HACD4: variants seen among roughly 807,000 people sequenced by gnomAD.
HACD4 encodes the protein very-long-chain (3R)-3-hydroxyacyl-CoA dehydratase 4.
Under a neutral mutation model 33.3 loss-of-function variants are expected in HACD4, and 35 were observed. The ratio of observed to expected loss-of-function variants is 1.05; its 90% confidence interval spans 0.80 to 1.39. HACD4 has a LOEUF of 1.39. Ranked by LOEUF, HACD4 falls within the 40% of genes most tolerant of loss-of-function variation. The pLI is 0.00. For synonymous variants in HACD4, 118 were observed against 98.0 expected (o/e 1.20, Z -1.21); for missense variants, 323 against 276.5 (o/e 1.17, Z -1.19).
At chr9:21,014,988 C>T (rs1019411756) in intron 4 of HACD4, 13 of 152,082 alleles carry the variant, frequency 8.5e-5, no homozygotes, top group Non-Finnish European at 1.0e-4. Flanking sequence ...GTCTCATGAA[C>T]AGAAGTTATG....
intron 3 of HACD4, among the ~76,000 whole-genome samples, chr9:21,016,930 C>G (rs1857647): frequency 0.62 from 94,006 of 151,690 alleles, 29,582 homozygotes; most frequent in South Asian, 0.69. Context: ...AATTACTAGC[C>G]TCAAAAAATA....
At chr9:21,020,946 A>T (rs1292174120) in intron 3 of HACD4, among the ~76,000 whole-genome samples, 1 of 152,108 alleles carries the variant, frequency 6.6e-6, no homozygotes, top group African/African-American at 2.4e-5. Context: ...CTCCCTAGGT[A>T]TCAAAATAAA....
rs1842154467 is a variant in HACD4, at chr9:21,000,684, T to G, written c.*6353A>C. On this transcript the variant is annotated 3_prime_UTR_variant, in exon 7 of 7. Transcript: ENST00000495827. ...AATTATCCGAACCAACGGGAAACAT[T>G]ATAATTATTAAAAAGCAGTAATAAA... 6.6e-6 allele frequency: 1 copy of G among 152,102 alleles called. No individual in the cohort carries two copies. The allele number at this position is 152,102 out of a possible 1,614,324, so 9.4% of individuals were successfully genotyped here. A position where few individuals can be genotyped will look rare whatever the true frequency, so the allele number is the denominator to read the frequency against.
chr9:21,020,605 T>C (rs1817884165), intron 3 of HACD4, among the ~76,000 whole-genome samples: 1 of 152,222 alleles, frequency 6.6e-6, no homozygotes, highest in South Asian at 2.1e-4. Context: ...TAATAAAGTT[T>C]GCAAGCTCAT....
intron 3 of HACD4, among the ~76,000 whole-genome samples, chr9:21,018,119 G>A (rs903475237): frequency 6.6e-6 from 1 of 152,090 alleles, no homozygotes; most frequent in Non-Finnish European, 1.5e-5. Flanking sequence ...ATCATCTGAT[G>A]GTTATTCAAC....
At position 21,000,997 on chromosome 9, in the gene HACD4, C is replaced by T. The variant is rs184368759; in HGVS notation, c.*6040G>A. ...TAGGGACCTTAGTGAGATGTAGTTA[C>T]CATATTATTAGATTGAAACGTTCAG... On this transcript the variant is annotated 3_prime_UTR_variant, in exon 7 of 7. Coordinates refer to ENST00000495827, the MANE Select transcript of HACD4 (RefSeq NM_001010915.5). 2.6e-5 allele frequency: 4 copies of T among 151,724 alleles called. No individual in the cohort carries two copies. The highest frequency in any genetic ancestry group is 2.6e-4 in the Admixed American group (4 of 15,202). The allele number at this position is 151,724 out of a possible 1,614,324, so 9.4% of individuals were successfully genotyped here.
At chr9:21,031,299 A>C in intron 1 of HACD4, 1 of 253,884 alleles carries the variant, frequency 3.9e-6, no homozygotes, top group Non-Finnish European at 6.2e-6. Flanking sequence ...TCACAAGGGC[A>C]GGGGTAGCCA....
chr9:21,022,249 G>A (rs970357878), intron 3 of HACD4, among the ~76,000 whole-genome samples: 2 of 152,100 alleles, frequency 1.3e-5, no homozygotes, highest in Non-Finnish European at 2.9e-5. Flanking sequence ...AGACTGAAAC[G>A]TTTGACCTAA....
chr9:21,013,109 A>G (rs987675539), intron 4 of HACD4, among the ~76,000 whole-genome samples: 5 of 151,844 alleles, frequency 3.3e-5, no homozygotes, highest in African/African-American at 2.4e-5. Context: ...ATGAAGTCCA[A>G]TTTATCTTTT....
intron 5 of HACD4, among the ~76,000 whole-genome samples, chr9:21,011,234 G>A (rs1396046620): frequency 6.6e-6 from 1 of 152,152 alleles, no homozygotes; most frequent in African/African-American, 2.4e-5. Context: ...CACCAGAGGG[G>A]ACTGAATTTC....
chr9:21,003,826 AC>A lies in HACD4; in HGVS notation c.*3210del, dbSNP rs1842207400. On this transcript the variant is annotated 3_prime_UTR_variant, in exon 7 of 7. Coordinates refer to ENST00000495827, the MANE Select transcript of HACD4 (RefSeq NM_001010915.5). ...AAAACTATGTAAGGACATATGACTT[AC>A]ATTACAGTAATTAGCAACAATTCAG... 1 of 152,208 alleles carries A rather than the reference AC, an allele frequency of 6.6e-6. No homozygotes were observed. Among genetic ancestry groups the A allele is most frequent in the African/African-American group, 2.4e-5 (1 of 41,460 alleles). 9.4% of individuals were successfully genotyped at this position (152,208 alleles called of 1,614,324 possible). A position where few individuals can be genotyped will look rare whatever the true frequency, so the allele number is the denominator to read the frequency against.
Position 21,029,361 on chromosome 9 carries a change from TTAAGTAATAGATGAAAAGA to T in HACD4, c.57_75del (p.Tyr19Ter). On this transcript the variant is annotated frameshift_variant, in exon 2 of 7. Coordinates refer to ENST00000495827, the MANE Select transcript of HACD4 (RefSeq NM_001010915.5). LOFTEE classifies it high-confidence loss of function. ...ATCCAAGAGTGGCCACAGAACTGGATTAAGTAATAGATGAAAAGATACGCATTCTTCCTATACCTATAAA... is the reference window on the plus strand; with the variant it reads ...ATCCAAGAGTGGCCACAGAACTGGATTACGCATTCTTCCTATACCTATAAA... 6.3e-7 allele frequency: 1 copy of T among 1,597,694 alleles called. No homozygotes were observed. Among genetic ancestry groups the T allele is most frequent in the Non-Finnish European group, 8.6e-7 (1 of 1,166,884 alleles).
At chr9:21,026,766 C>A in intron 2 of HACD4, 43 bp from the exon 3 acceptor site, 1 of 1,578,130 alleles carries the variant, frequency 6.3e-7, no homozygotes, top group Non-Finnish European at 8.7e-7. Context: ...GAAGAAAAAA[C>A]TGGATTATAA....
rs779917408 is a variant in HACD4 at position 21,003,140 on chromosome 9, C to T, written c.*3897G>A. 6.6e-6 allele frequency: 1 copy of T among 152,090 alleles called. No individual in the cohort carries two copies. Among genetic ancestry groups the T allele is most frequent in the Non-Finnish European group, 1.5e-5 (1 of 67,984 alleles). 9.4% of individuals were successfully genotyped at this position (152,090 alleles called of 1,614,324 possible). On this transcript the variant is annotated 3_prime_UTR_variant, in exon 7 of 7. Coordinates refer to ENST00000495827, the MANE Select transcript of HACD4 (RefSeq NM_001010915.5). ...AGATCTTTTTATGTTACAATTGTTG[C>T]AGATATCTCAAATTACTGTCAATCC...
Position 21,006,192 on chromosome 9 carries a change from A to C in HACD4, c.*845T>G, listed in dbSNP as rs1842264476. The C allele has an allele frequency of 6.6e-6, 1 of 152,122 alleles. No individual in the cohort carries two copies. The highest frequency in any genetic ancestry group is 1.5e-5 in the Non-Finnish European group (1 of 68,036). The allele number at this position is 152,122 out of a possible 1,614,324, so 9.4% of individuals were successfully genotyped here. A position where few individuals can be genotyped will look rare whatever the true frequency, so the allele number is the denominator to read the frequency against. ...CCCAAAATTCATGTGTTAAGCCCTA[A>C]CCTCCAATATGATGGTATTTGGAGG... On this transcript the variant is annotated 3_prime_UTR_variant, in exon 7 of 7. Coordinates refer to ENST00000495827, the MANE Select transcript of HACD4 (RefSeq NM_001010915.5). This position sits in a 1 kb window ranked among gnomAD's most constrained non-coding sequence, Gnocchi z 4.6.
rs1212956654 is a variant in HACD4, at chr9:21,004,878, T to C, written c.*2159A>G. 1 of 152,160 alleles carries C rather than the reference T, an allele frequency of 6.6e-6. No individual in the cohort carries two copies. Among genetic ancestry groups the C allele is most frequent in the African/African-American group, 2.4e-5 (1 of 41,428 alleles). 9.4% of individuals were successfully genotyped at this position (152,160 alleles called of 1,614,324 possible). ...GAGTACTGGAAGAGTTTTGAGGTAC[T>C]AGTTTTTTTGCTAGAAAAAGCCAGT... On this transcript the variant is annotated 3_prime_UTR_variant, in exon 7 of 7. Transcript: ENST00000495827. The surrounding 1 kb of genome is among the most constrained non-coding windows in gnomAD (Gnocchi z 4.6).
At position 21,026,715 on chromosome 9, in the gene HACD4, C is replaced by T; in HGVS notation, c.151G>A (p.Val51Ile). ...AGTCCAATAGCATAAAAAGTGTCAA[C>T]CATTGAATCTGTATCCCGTGGGTTA... ...RFFSFGKDSM[V>I]DTFYAIGLVM... The change falls in exon 3 of 7, where the codon GTT (valine) becomes ATT (isoleucine). Residue 51 changes from valine (V) to isoleucine (I), a missense_variant. Val to Ile is a conservative substitution (Grantham distance 29, BLOSUM62 3). Coordinates refer to ENST00000495827, the MANE Select transcript of HACD4 (RefSeq NM_001010915.5). 1 of 1,613,338 alleles carries T rather than the reference C, an allele frequency of 6.2e-7. No individual in the cohort carries two copies.
chr9:21,011,268 T>C (rs925070034), intron 5 of HACD4, among the ~76,000 whole-genome samples: 2 of 152,180 alleles, frequency 1.3e-5, no homozygotes, highest in South Asian at 2.1e-4. Context: ...TTAAAAATCA[T>C]AGAATCTCTA....
rs931168839 is a variant in HACD4, at chr9:21,002,516, T to C, written c.*4521A>G. On this transcript the variant is annotated 3_prime_UTR_variant, in exon 7 of 7. Transcript: ENST00000495827. Reference sequence around the variant, plus strand: ...GAGGTACTTAGAGCAATCAAAATCATAGAGACAAAAAGTAGACTGGTGGTT... The same window carrying C: ...GAGGTACTTAGAGCAATCAAAATCACAGAGACAAAAAGTAGACTGGTGGTT... 6.6e-6 allele frequency: 1 copy of C among 152,054 alleles called. No homozygotes were observed. Among genetic ancestry groups the C allele is most frequent in the African/African-American group, 2.4e-5 (1 of 41,412 alleles). 9.4% of individuals were successfully genotyped at this position (152,054 alleles called of 1,614,324 possible). A position where few individuals can be genotyped will look rare whatever the true frequency, so the allele number is the denominator to read the frequency against.
Sources: gnomAD v4.1 joint callset for allele counts (sites outside exome capture counted in the v4.1 genomes callset) on GRCh38, gnomAD v4.1.1 for gene constraint, Gnocchi (gnomAD v3.1) non-coding constraint, MANE v1.5 for transcripts, NCBI Gene and HGNC (gene_info 2026-07-23, HGNC 2026-07-21) for gene names.